Variants in IMMP2L observed in about 807,000 individuals in gnomAD.
IMMP2L encodes the protein inner mitochondrial membrane peptidase subunit 2, also known as mitochondrial inner membrane protease subunit 2.
In IMMP2L, 18 loss-of-function variants were observed where a neutral mutation model predicts 19.3. The ratio of observed to expected loss-of-function variants is 0.93; its 90% confidence interval spans 0.64 to 1.38. IMMP2L has a LOEUF of 1.38. Ranked by LOEUF, IMMP2L falls within the 40% of genes most tolerant of loss-of-function variation. The pLI, the probability that IMMP2L is intolerant of heterozygous loss-of-function variation, is 0.00. For synonymous variants in IMMP2L, 76 were observed against 73.0 expected (o/e 1.04, Z -0.21); for missense variants, 233 against 218.2 (o/e 1.07, Z -0.43).
intron 3 of IMMP2L, among the ~76,000 whole-genome samples, chr7:111,258,453 T>C (rs1419866453): frequency 6.6e-6 from 1 of 152,158 alleles, no homozygotes; most frequent in East Asian, 1.9e-4. Flanking sequence ...ATGGCTAATA[T>C]ATATTAATAC....
intron 3 of IMMP2L, among the ~76,000 whole-genome samples, chr7:111,167,156 C>T (rs538618203): frequency 6.6e-6 from 1 of 151,922 alleles, no homozygotes; most frequent in African/African-American, 2.4e-5. Flanking sequence ...ACAATTTTCC[C>T]ATGTGAGGGG....
chr7:111,272,705 C>T (rs1479520064), intron 3 of IMMP2L, among the ~76,000 whole-genome samples: 1 of 152,172 alleles, frequency 6.6e-6, no homozygotes, highest in Non-Finnish European at 1.5e-5. Flanking sequence ...CAGCCATGGG[C>T]TTATTCCCAC....
rs1796026650 is a variant in IMMP2L at position 110,728,214 on chromosome 7, G to A, written c.409-64493C>T. 6.6e-6 allele frequency among the ~76,000 whole-genome samples: 1 copy of A among 152,112 alleles called. No individual in the cohort carries two copies. The highest frequency in any genetic ancestry group is 2.1e-4 in the South Asian group (1 of 4,820). On this transcript the variant is annotated intron_variant, in intron 5 of 5. Coordinates refer to ENST00000405709, the MANE Select transcript of IMMP2L (RefSeq NM_032549.4). This position sits in a 1 kb window ranked among gnomAD's most constrained non-coding sequence, Gnocchi z 4.6. ...TATCAATATTATTAATAATCTTAAA[G>A]GCGACTGGGAGTGGTGGTTCACGCC...
intron 5 of IMMP2L, among the ~76,000 whole-genome samples, chr7:110,713,616 G>T (rs1795041151): frequency 6.7e-6 from 1 of 149,628 alleles, no homozygotes; most frequent in East Asian, 1.9e-4. Flanking sequence ...TCCTTGTAGA[G>T]ATCTTCTATC....
chr7:111,392,780 C>T (rs1832489315), intron 3 of IMMP2L: 1 of 456,432 alleles, frequency 2.2e-6, no homozygotes, highest in African/African-American at 2.0e-5. Flanking sequence ...GGTCATAAAA[C>T]TCCAAAAAAC....
chr7:111,042,085 A>G (rs1791952457), intron 3 of IMMP2L, among the ~76,000 whole-genome samples: 1 of 152,236 alleles, frequency 6.6e-6, no homozygotes, highest in South Asian at 2.1e-4. Flanking sequence ...ACTATAATTT[A>G]TGATTCTTAA....
At chr7:111,019,219 A>C (rs1733314848) in intron 3 of IMMP2L, among the ~76,000 whole-genome samples, 2 of 152,196 alleles carry the variant, frequency 1.3e-5, no homozygotes, top group Admixed American at 1.3e-4. Context: ...GAGGGAAAAA[A>C]ACTGACGAGG....
At position 110,918,690 on chromosome 7, in the gene IMMP2L, A is replaced by AAG. The variant is rs539151582; in HGVS notation, c.306-31996_306-31995insCT. Among the ~76,000 whole-genome samples the AAG allele has an allele frequency of 8.9e-3, 1,350 of 151,650 alleles. 14 individuals carry two copies. The highest frequency in any genetic ancestry group is 0.018 in the Admixed American group (276 of 15,228). On this transcript the variant is annotated intron_variant, in intron 4 of 5. Coordinates refer to ENST00000405709, the MANE Select transcript of IMMP2L (RefSeq NM_032549.4). ...AGGCTGGTCTTGAACTCCTGACCTC[A>AAG]TGATCTGCCCACCTCGCCCTCTCAA...
chr7:111,062,872 T>C (rs1266648079), intron 3 of IMMP2L, among the ~76,000 whole-genome samples: 1 of 152,194 alleles, frequency 6.6e-6, no homozygotes, highest in East Asian at 1.9e-4. Flanking sequence ...CCCTGTGGCT[T>C]TACAGGGTAC....
intron 3 of IMMP2L, chr7:111,124,994 C>CAA: frequency 1.1e-6 from 1 of 905,392 alleles, no homozygotes; most frequent in Non-Finnish European, 1.6e-6. Context: ...AACAAACAAA[C>CAA]AAAAAAGTAA....
chr7:111,399,345 G>T (rs1212061296), intron 3 of IMMP2L, among the ~76,000 whole-genome samples: 1 of 151,882 alleles, frequency 6.6e-6, no homozygotes, highest in African/African-American at 2.4e-5. Context: ...ACAGCCAATT[G>T]GTCTTCAACA....
At chr7:110,747,516 C>G (rs1211380559) in intron 5 of IMMP2L, among the ~76,000 whole-genome samples, 1 of 152,096 alleles carries the variant, frequency 6.6e-6, no homozygotes, top group Non-Finnish European at 1.5e-5. Context: ...ATTAGCAAAT[C>G]AAATCCAGCA....
At chr7:111,050,641 T>C (rs965061229) in intron 3 of IMMP2L, among the ~76,000 whole-genome samples, 4 of 152,206 alleles carry the variant, frequency 2.6e-5, no homozygotes, top group African/African-American at 9.6e-5. Context: ...TGGATTTTAG[T>C]AGTTTAAAGT....
Position 111,196,696 on chromosome 7 carries a change from C to T in IMMP2L, c.240-233131G>A, listed in dbSNP as rs561609789. On this transcript the variant is annotated intron_variant, in intron 3 of 5. Coordinates refer to ENST00000405709, the MANE Select transcript of IMMP2L (RefSeq NM_032549.4). Reference sequence around the variant, plus strand: ...TTTAAATGATTTAAATTTAAATAATCATTTTTCCTAGCTTCTTTCCCCATA... The same window carrying T: ...TTTAAATGATTTAAATTTAAATAATTATTTTTCCTAGCTTCTTTCCCCATA... Among the ~76,000 whole-genome samples, 172 of 152,138 alleles carry T rather than the reference C, an allele frequency of 1.1e-3. 4 individuals carry two copies. In the South Asian group the frequency reaches 0.014, roughly 12 times the overall value.
chr7:111,444,566 T>C lies in IMMP2L; in HGVS notation c.239+42672A>G, dbSNP rs542765441. Among the ~76,000 whole-genome samples the C allele has an allele frequency of 7.2e-5, 11 of 152,294 alleles. No homozygotes were observed. The South Asian group carries it at 2.3e-3, about 32-fold the overall frequency. On this transcript the variant is annotated intron_variant, in intron 3 of 5. Transcript: ENST00000405709. The stretch of plus-strand genomic sequence containing the variant: ...GTGCCTGCAAATAAGTGTTGAATTT[T>C]TTTAAATTATTTTTTACTTTTCTTC...
At chr7:111,510,469 A>G (rs2132556168) in intron 2 of IMMP2L, among the ~76,000 whole-genome samples, 1 of 152,246 alleles carries the variant, frequency 6.6e-6, no homozygotes, top group East Asian at 1.9e-4. Flanking sequence ...ACACGTTAAA[A>G]AAAACATTCC....
intron 5 of IMMP2L, among the ~76,000 whole-genome samples, chr7:110,805,730 T>G (rs1801586066): frequency 6.6e-6 from 1 of 151,998 alleles, no homozygotes; most frequent in South Asian, 2.1e-4. Flanking sequence ...ATAAACACAG[T>G]AAATCCTCTT....
intron 5 of IMMP2L, among the ~76,000 whole-genome samples, chr7:110,735,112 C>G (rs1796529141): frequency 6.6e-6 from 1 of 152,112 alleles, no homozygotes; most frequent in South Asian, 2.1e-4. Flanking sequence ...AAATAACCGA[C>G]ATGCCTGCAA....
At chr7:111,531,340 G>A (rs1308578073) in intron 1 of IMMP2L, among the ~76,000 whole-genome samples, 3 of 146,632 alleles carry the variant, frequency 2.0e-5, no homozygotes, top group African/African-American at 7.6e-5. Flanking sequence ...CAGTATTTTT[G>A]GAAACCATAT....
Sources: gnomAD v4.1 joint callset for allele counts (sites outside exome capture counted in the v4.1 genomes callset) on GRCh38, gnomAD v4.1.1 for gene constraint, Gnocchi (gnomAD v3.1) non-coding constraint, MANE v1.5 for transcripts, NCBI Gene and HGNC (gene_info 2026-07-23, HGNC 2026-07-21) for gene names.